RBM6: variants seen among roughly 807,000 people sequenced by gnomAD.
RBM6 encodes the protein RNA-binding protein 6.
RBM6 carries 23 observed loss-of-function variants against 140.4 expected under a neutral mutation model. The ratio of observed to expected loss-of-function variants is 0.16; its 90% confidence interval spans 0.12 to 0.23. RBM6 has a LOEUF of 0.23. Among genes scored for constraint, RBM6 ranks in the 10% least tolerant of loss-of-function variants. RBM6 has a pLI of 1.00. For missense variants in RBM6, 1,139 were observed against 1,386.7 expected, an observed-to-expected ratio of 0.82 and a Z score of 2.84; for synonymous variants, 439 against 475.6, an observed-to-expected ratio of 0.92 and a Z score of 1.00.
At chr3:49,972,892 G>A (rs569471064) in intron 4 of RBM6, among the ~76,000 whole-genome samples, 1 of 150,814 alleles carries the variant, frequency 6.6e-6, no homozygotes, top group East Asian at 2.0e-4. Flanking sequence ...AGTGTGTGGC[G>A]CGACCTTGGT....
At chr3:50,031,219 ATC>A (rs2088132512) in intron 6 of RBM6, among the ~76,000 whole-genome samples, 1 of 152,230 alleles carries the variant, frequency 6.6e-6, no homozygotes, top group Non-Finnish European at 1.5e-5. Flanking sequence ...TGACCCAGCC[ATC>A]CCATTACTGG....
At chr3:50,068,580 G>C in intron 17 of RBM6, 110 bp from the exon 18 acceptor site, 2 of 925,836 alleles carry the variant, frequency 2.2e-6, no homozygotes, top group Non-Finnish European at 3.3e-6. Context: ...TAGTAGATCT[G>C]ATCAATCAAA....
At chr3:50,057,336 C>T (rs1195940200) in intron 8 of RBM6, among the ~76,000 whole-genome samples, 1 of 152,014 alleles carries the variant, frequency 6.6e-6, no homozygotes, top group Non-Finnish European at 1.5e-5. Context: ...CCTGTAATCC[C>T]AGCACTCTGG....
At chr3:50,067,073 A>G (rs547026657) in intron 17 of RBM6, among the ~76,000 whole-genome samples, 10 of 146,232 alleles carry the variant, frequency 6.8e-5, no homozygotes, top group African/African-American at 1.3e-4. Context: ...TGTAATCCCA[A>G]CTACTTGGGA....
In RBM6 at chr3:49,968,296, A is replaced by C. The variant is rs1227489230; in HGVS notation, c.871A>C (p.Asn291His). The part of the protein sequence containing the change: ...KDREMPPVDP[N>H]ILDYIQPSTQ... ...TAGGGAGATGCCCCCTGTGGATCCA[A>C]ATATTTTGGATTACATTCAGCCCTC... Residue 291 changes from asparagine (N) to histidine (H), a missense_variant, in exon 3 of 21, where the codon AAT becomes CAT. Transcript: ENST00000266022. The C allele has an allele frequency of 6.2e-7, 1 of 1,613,996 alleles. No homozygotes were observed. The highest frequency in any genetic ancestry group is 8.5e-7 in the Non-Finnish European group (1 of 1,180,032).
In RBM6 at chr3:49,978,654, A is replaced by G. The variant is rs190824705; in HGVS notation, c.1483+3262A>G. Among the ~76,000 whole-genome samples, 235 of 152,328 alleles carry G rather than the reference A, an allele frequency of 1.5e-3. 3 individuals carry two copies. The highest frequency in any genetic ancestry group is 7.1e-4 in the Non-Finnish European group (48 of 68,026). On this transcript the variant is annotated intron_variant, in intron 5 of 20. Transcript: ENST00000266022. ...AATTATATCTCCCAGGGGAATGTGT[A>G]CTCAGACATAATACTTACGCTGCAA...
At chr3:50,017,796 C>G (rs1319908480) in intron 6 of RBM6, among the ~76,000 whole-genome samples, 1 of 152,142 alleles carries the variant, frequency 6.6e-6, no homozygotes, top group Admixed American at 6.5e-5. Flanking sequence ...TTCCATTTGT[C>G]TGTTTTTGCT....
At chr3:49,974,918 C>T (rs762518498) in intron 4 of RBM6, among the ~76,000 whole-genome samples, 5 of 151,474 alleles carry the variant, frequency 3.3e-5, no homozygotes, top group South Asian at 2.1e-4. Context: ...AACTCCTGAC[C>T]TCAGGTTATC....
intron 6 of RBM6, among the ~76,000 whole-genome samples, chr3:50,017,721 G>A (rs1559591671): frequency 6.6e-6 from 1 of 152,116 alleles, no homozygotes; most frequent in East Asian, 1.9e-4. Context: ...CTCTCAATCT[G>A]TGCATTGTTT....
chr3:49,998,327 C>T (rs1165441003), intron 5 of RBM6, among the ~76,000 whole-genome samples: 1 of 152,108 alleles, frequency 6.6e-6, no homozygotes, highest in Non-Finnish European at 1.5e-5. Context: ...TCAAAATTAT[C>T]ATAGGGTTTT....
At chr3:50,051,646 A>G (rs1408326125) in intron 7 of RBM6, among the ~76,000 whole-genome samples, 1 of 152,240 alleles carries the variant, frequency 6.6e-6, no homozygotes, top group Non-Finnish European at 1.5e-5. Flanking sequence ...CATCTCAAAA[A>G]CAAAAAAGAA....
chr3:49,969,324 GT>G lies in RBM6; in HGVS notation c.1323+593del, dbSNP rs528548144. On this transcript the variant is annotated intron_variant, in intron 3 of 20. Transcript: ENST00000266022. ...AGGCATGAGCCACCGTGCCTGGCCA[GT>G]TTTTTTTTTTTTTTTTCATTTTATT... Among the ~76,000 whole-genome samples, 806 of 122,200 alleles carry G rather than the reference GT, an allele frequency of 6.6e-3. 2 individuals carry two copies. Among genetic ancestry groups the G allele is most frequent in the South Asian group, 0.013 (49 of 3,666 alleles). The allele number at this position is 122,200 out of a possible 152,430, so 80.2% of individuals were successfully genotyped here.
At position 50,056,688 on chromosome 3, in the gene RBM6, A is replaced by G. The variant is rs376737557; in HGVS notation, c.1694-1040A>G. On this transcript the variant is annotated intron_variant, in intron 8 of 20. Coordinates refer to ENST00000266022, the MANE Select transcript of RBM6 (RefSeq NM_005777.3). ...CTGTCACTGCTATTATGTAATCTCT[A>G]TATTGCTCTCATATAATACCTCTTT... Among the ~76,000 whole-genome samples, 6 of 152,192 alleles carry G rather than the reference A, an allele frequency of 3.9e-5. No homozygotes were observed. The East Asian group carries it at 1.2e-3, about 29-fold the overall frequency.
chr3:49,975,851 T>C (rs1305917985), intron 5 of RBM6, among the ~76,000 whole-genome samples: 1 of 152,212 alleles, frequency 6.6e-6, no homozygotes, highest in Non-Finnish European at 1.5e-5. Flanking sequence ...AATGGAGTCC[T>C]GTTACAGTTA....
intron 5 of RBM6, 22 bp downstream of exon 5, chr3:49,975,414 T>C (rs1338138226): frequency 6.3e-7 from 1 of 1,583,114 alleles, no homozygotes; most frequent in Non-Finnish European, 8.7e-7. Flanking sequence ...GACTTGCATA[T>C]GGCCTTGGGT....
chr3:50,002,587 G>A (rs1575658997), intron 6 of RBM6, among the ~76,000 whole-genome samples: 1 of 152,000 alleles, frequency 6.6e-6, no homozygotes, highest in African/African-American at 2.4e-5. Context: ...AGTAGAGATG[G>A]GGTTTCACTA....
chr3:49,954,094 C>T (rs1392752159), intron 1 of RBM6, among the ~76,000 whole-genome samples: 1 of 151,606 alleles, frequency 6.6e-6, no homozygotes, highest in Non-Finnish European at 1.5e-5. Flanking sequence ...CGAGAATGTG[C>T]CACTGCACTC....
intron 15 of RBM6, 32 bp downstream of exon 15, chr3:50,062,140 C>T: frequency 6.3e-7 from 1 of 1,598,430 alleles, no homozygotes; most frequent in Non-Finnish European, 8.5e-7. Context: ...CTGTCTTTTG[C>T]CACATAGTTA....
intron 6 of RBM6, among the ~76,000 whole-genome samples, chr3:50,030,957 TA>T (rs2088118610): frequency 6.6e-6 from 1 of 151,854 alleles, no homozygotes; most frequent in African/African-American, 2.4e-5. Flanking sequence ...TAAAGGGGTA[TA>T]AAAAAGGTAG....
Sources: gnomAD v4.1 joint callset for allele counts (sites outside exome capture counted in the v4.1 genomes callset) on GRCh38, gnomAD v4.1.1 for gene constraint, MANE v1.5 for transcripts, NCBI Gene and HGNC (gene_info 2026-07-23, HGNC 2026-07-21) for gene names.